Variants in RBFOX1 observed in about 807,000 individuals in gnomAD.
The protein encoded by RBFOX1 is RNA binding protein fox-1 homolog 1.
Under a neutral mutation model 57.7 loss-of-function variants are expected in RBFOX1, and 8 were observed. The ratio of observed to expected loss-of-function variants is 0.14; its 90% CI spans 0.08 to 0.25. The LOEUF (loss-of-function observed/expected upper bound fraction) is 0.25, where lower values mean the gene tolerates loss of function less well. RBFOX1 is among the 10% of genes least tolerant of loss of function. The pLI is 1.00. For synonymous variants in RBFOX1, 326 were observed against 222.4 expected (o/e 1.47, Z -4.15); for missense variants, 611 against 548.5 (o/e 1.11, Z -1.14).
chr16:6,679,560 C>G (rs147485416), intron 3 of RBFOX1, among the ~76,000 whole-genome samples: 5 of 152,294 alleles, frequency 3.3e-5, no homozygotes, highest in Non-Finnish European at 5.9e-5. Flanking sequence ...ATACCCCTCT[C>G]TTCTAGGAGG....
intron 5 of RBFOX1, among the ~76,000 whole-genome samples, chr16:7,529,840 C>G (rs948445783): frequency 3.3e-5 from 5 of 151,932 alleles, no homozygotes; most frequent in Non-Finnish European, 5.9e-5. Context: ...GAAACCCCGT[C>G]TCTCCTAAAA....
chr16:5,977,628 G>A (rs1596331145), intron 4 of RBFOX1, among the ~76,000 whole-genome samples: 1 of 151,494 alleles, frequency 6.6e-6, no homozygotes, highest in East Asian at 1.9e-4. Flanking sequence ...TACTATGAGA[G>A]GGGAGAGCAG....
intron 5 of RBFOX1, among the ~76,000 whole-genome samples, chr16:7,542,699 G>GAAAAAAA (rs59316335): frequency 4.0e-5 from 3 of 74,364 alleles, no homozygotes; most frequent in East Asian, 4.2e-4. Context: ...TACTAAAAAT[G>GAAAAAAA]AAAAAAAAAA....
intron 4 of RBFOX1, among the ~76,000 whole-genome samples, chr16:7,388,399 T>C (rs1463393478): frequency 6.6e-6 from 1 of 152,208 alleles, no homozygotes; most frequent in African/African-American, 2.4e-5. Context: ...GGGTGTATAA[T>C]TTAAAATCTG....
intron 4 of RBFOX1, among the ~76,000 whole-genome samples, chr16:5,914,103 GT>G (rs1210050652): frequency 2.8e-4 from 42 of 152,280 alleles, no homozygotes; most frequent in Non-Finnish European, 4.7e-4. Context: ...CTTTCAAGCT[GT>G]GTTGTCTCAT....
At chr16:6,178,813 A>C (rs1042319104) in intron 1 of RBFOX1, among the ~76,000 whole-genome samples, 6 of 152,160 alleles carry the variant, frequency 3.9e-5, no homozygotes, top group African/African-American at 1.4e-4. Flanking sequence ...CTTTTTAGCA[A>C]GGGCCTGTTT....
At chr16:7,072,345 C>A (rs926389896) in intron 4 of RBFOX1, among the ~76,000 whole-genome samples, 14 of 152,190 alleles carry the variant, frequency 9.2e-5, no homozygotes, top group Non-Finnish European at 1.2e-4. Flanking sequence ...CGCTTACCCA[C>A]AATCTGTTAT....
chr16:6,976,338 A>C (rs1437767775), intron 3 of RBFOX1, among the ~76,000 whole-genome samples: 1 of 152,104 alleles, frequency 6.6e-6, no homozygotes, highest in Admixed American at 6.5e-5. Flanking sequence ...TTTCTCCTCT[A>C]TCCTTGTTCT....
At chr16:7,569,942 ATTAG>A (rs1037771523) in intron 5 of RBFOX1, among the ~76,000 whole-genome samples, 39 of 152,258 alleles carry the variant, frequency 2.6e-4, no homozygotes, top group Middle Eastern at 3.4e-3. Flanking sequence ...CTTGATTGTT[ATTAG>A]TTTGTTTGGG....
chr16:7,448,054 A>G (rs1297718985), intron 4 of RBFOX1, among the ~76,000 whole-genome samples: 1 of 152,236 alleles, frequency 6.6e-6, no homozygotes, highest in Non-Finnish European at 1.5e-5. Flanking sequence ...TTGTAAAACA[A>G]CTGACTAATC....
chr16:5,370,214 C>T (rs563584865), intron 1 of RBFOX1, among the ~76,000 whole-genome samples: 1 of 152,292 alleles, frequency 6.6e-6, no homozygotes, highest in South Asian at 2.1e-4. Flanking sequence ...GCTATTTCTG[C>T]AGAACCCAAT....
rs1343484918 is a variant in RBFOX1, at chr16:6,999,475, C to T, written c.-15-52582C>T. On this transcript the variant is annotated intron_variant, in intron 3 of 15. Transcript: ENST00000550418. ...TTTGAGACGGAGTCTTGCTCTGTCACCCAGGCTGGAGCATTCTCAGTTGTT... is the reference window on the plus strand; with the variant it reads ...TTTGAGACGGAGTCTTGCTCTGTCATCCAGGCTGGAGCATTCTCAGTTGTT... Among the ~76,000 whole-genome samples the T allele has an allele frequency of 4.6e-5, 7 of 151,460 alleles. No individual in the cohort carries two copies. In the East Asian group the frequency reaches 5.8e-4, roughly 13 times the overall value.
chr16:6,740,782 T>C (rs1025036264), intron 3 of RBFOX1, among the ~76,000 whole-genome samples: 3 of 152,192 alleles, frequency 2.0e-5, no homozygotes, highest in African/African-American at 7.2e-5. Flanking sequence ...TTTGTAAAGA[T>C]GCCATTTCTG....
At chr16:6,813,521 A>C (rs1463553796) in intron 3 of RBFOX1, among the ~76,000 whole-genome samples, 1 of 152,120 alleles carries the variant, frequency 6.6e-6, no homozygotes, top group Non-Finnish European at 1.5e-5. Context: ...ATGATCTGTC[A>C]CCTGGTCCCT....
chr16:7,387,687 G>A (rs2097907992), intron 4 of RBFOX1, among the ~76,000 whole-genome samples: 1 of 152,208 alleles, frequency 6.6e-6, no homozygotes, highest in Admixed American at 6.5e-5. Context: ...GCCATTAGGA[G>A]TGGTGTCGGT....
intron 3 of RBFOX1, among the ~76,000 whole-genome samples, chr16:7,002,945 G>A (rs1235434706): frequency 6.6e-6 from 1 of 151,948 alleles, no homozygotes; most frequent in Non-Finnish European, 1.5e-5. Flanking sequence ...GTGTAAGAAT[G>A]TAGGAAAGGC....
Position 6,298,397 on chromosome 16 carries a change from T to G in RBFOX1, c.-126-18598T>G, listed in dbSNP as rs574674948. Among the ~76,000 whole-genome samples, 5 of 152,334 alleles carry G rather than the reference T, an allele frequency of 3.3e-5. No individual in the cohort carries two copies. In the South Asian group the frequency reaches 1.0e-3, roughly 32 times the overall value. On this transcript the variant is annotated intron_variant, in intron 1 of 15. Transcript: ENST00000550418. ...TCACAGCTCCCCAAGTATATCCCATTGTTATGCACTTCATGTACACAATGC... is the reference window on the plus strand; with the variant it reads ...TCACAGCTCCCCAAGTATATCCCATGGTTATGCACTTCATGTACACAATGC...
chr16:7,105,288 ATTT>A (rs58447850), intron 4 of RBFOX1, among the ~76,000 whole-genome samples: 71,928 of 138,196 alleles, frequency 0.52, 18,334 homozygotes, highest in South Asian at 0.68. Flanking sequence ...ATATGGTCTG[ATTT>A]TTTTTTTTTT....
chr16:6,695,552 C>G (rs1435657849), intron 3 of RBFOX1, among the ~76,000 whole-genome samples: 1 of 151,978 alleles, frequency 6.6e-6, no homozygotes, highest in African/African-American at 2.4e-5. Flanking sequence ...GCCGACGCGC[C>G]TATTATGAAT....
Sources: allele counts gnomAD v4.1 joint callset (sites outside exome capture counted in the v4.1 genomes callset), GRCh38; gene constraint gnomAD v4.1.1; transcripts MANE v1.5; gene names NCBI Gene and HGNC (gene_info 2026-07-23, HGNC 2026-07-21).